Variants in THADA observed in about 807,000 individuals in gnomAD.
THADA encodes the protein THADA armadillo repeat containing.
THADA carries 213 observed loss-of-function variants against 219.8 expected under a neutral mutation model. The ratio of observed to expected loss-of-function variants is 0.97; its 90% CI spans 0.87 to 1.09. The LOEUF (loss-of-function observed/expected upper bound fraction) is 1.09. Ranked by LOEUF, THADA falls within the 50% of genes least tolerant of loss-of-function variation. The pLI is 0.00. For synonymous variants in THADA, 1,018 were observed against 828.9 expected, an observed-to-expected ratio of 1.23 and a Z score of -3.92; for missense variants, 2,956 against 2,311.3, an observed-to-expected ratio of 1.28 and a Z score of -5.72.
chr2:43,253,025 A>C (rs1669960153), intron 36 of THADA, among the ~76,000 whole-genome samples: 2 of 150,972 alleles, frequency 1.3e-5, no homozygotes, highest in Non-Finnish European at 2.9e-5. Flanking sequence ...ATTCTTGATA[A>C]TCTTGACTTC....
chr2:43,586,555 G>C (rs1314426346), intron 6 of THADA, 106 bp from the exon 7 acceptor site: 2 of 1,326,908 alleles, frequency 1.5e-6, no homozygotes, highest in East Asian at 2.5e-5. Flanking sequence ...ATCATGATAT[G>C]GAAACAAAAA....
In THADA at chr2:43,292,066, A is replaced by C. The variant is rs549164637; in HGVS notation, c.4937+38T>G. The C allele has an allele frequency of 1.9e-5, 27 of 1,405,024 alleles. No homozygotes were observed. The Admixed American group carries it at 4.6e-4, about 24-fold the overall frequency. 87.0% of individuals were successfully genotyped at this position (1,405,024 alleles called of 1,614,324 possible). On this transcript the variant is annotated intron_variant, in intron 33 of 37. Transcript: ENST00000405975. ...TACATAATGACTGATGGGACCATACATCTTACCAAGGTTGCACAGGAGGTT... is the reference window on the plus strand; with the variant it reads ...TACATAATGACTGATGGGACCATACCTCTTACCAAGGTTGCACAGGAGGTT...
intron 26 of THADA, chr2:43,484,384 G>T (rs998768): frequency 0.15 from 25,867 of 168,976 alleles, 2,876 homozygotes; most frequent in African/African-American, 0.32. Context: ...CTTTTTTAGG[G>T]AAGAAGGGAA....
chr2:43,554,681 A>G (rs1363566650), intron 17 of THADA, among the ~76,000 whole-genome samples: 1 of 152,228 alleles, frequency 6.6e-6, no homozygotes, highest in Admixed American at 6.5e-5. Flanking sequence ...ATGCAATACA[A>G]GTCTCGGAAT....
intron 8 of THADA, 122 bp downstream of exon 8, chr2:43,581,619 G>A: frequency 4.9e-6 from 4 of 816,222 alleles, no homozygotes; most frequent in Admixed American, 3.3e-5. Context: ...GAGAGGCTGA[G>A]TAAGGACACA....
At chr2:43,291,425 G>T (rs1050764086) in intron 34 of THADA, among the ~76,000 whole-genome samples, 4 of 76,184 alleles carry the variant, frequency 5.3e-5, no homozygotes. Context: ...CTGCACTCCA[G>T]CCTGGGCAAC....
intron 22 of THADA, among the ~76,000 whole-genome samples, chr2:43,521,175 G>A (rs114590641): frequency 0.021 from 3,223 of 150,524 alleles, 135 homozygotes; most frequent in African/African-American, 0.075. Context: ...AAAGGAGGGA[G>A]GGAGGGAAGA....
At chr2:43,453,084 A>C (rs1682558833) in intron 26 of THADA, among the ~76,000 whole-genome samples, 1 of 152,200 alleles carries the variant, frequency 6.6e-6, no homozygotes, top group Non-Finnish European at 1.5e-5. Context: ...AAAATAAACA[A>C]ACAAACAAAA....
At chr2:43,553,639 T>C (rs1406503534) in intron 17 of THADA, among the ~76,000 whole-genome samples, 1 of 152,082 alleles carries the variant, frequency 6.6e-6, no homozygotes, top group African/African-American at 2.4e-5. Context: ...TGCCTAAGAG[T>C]GGAACTGCAG....
intron 22 of THADA, among the ~76,000 whole-genome samples, chr2:43,520,323 TA>T (rs1263011591): frequency 6.6e-6 from 1 of 152,226 alleles, no homozygotes; most frequent in African/African-American, 2.4e-5. Flanking sequence ...GAGTACATTG[TA>T]AAATTGCAAC....
chr2:43,440,350 CTT>C (rs1680695546), intron 26 of THADA, among the ~76,000 whole-genome samples: 1 of 152,046 alleles, frequency 6.6e-6, no homozygotes, highest in Admixed American at 6.6e-5. Flanking sequence ...AATGACAAGC[CTT>C]TTGGTTATTG....
At chr2:43,521,978 C>T (rs1390299203) in intron 22 of THADA, among the ~76,000 whole-genome samples, 5 of 152,118 alleles carry the variant, frequency 3.3e-5, no homozygotes, top group African/African-American at 1.2e-4. Context: ...AGAAATGTCA[C>T]CTTCATTTCC....
chr2:43,320,802 T>C (rs781544176), intron 30 of THADA, among the ~76,000 whole-genome samples: 1 of 152,044 alleles, frequency 6.6e-6, no homozygotes, highest in Non-Finnish European at 1.5e-5. Context: ...TCAAATAAAA[T>C]AAAATGAAAA....
intron 35 of THADA, 150 bp downstream of exon 35, chr2:43,286,758 G>C (rs757330964): frequency 8.0e-6 from 7 of 872,532 alleles, no homozygotes; most frequent in Admixed American, 2.9e-5. Context: ...AAAATGATTA[G>C]AGCATGAACT....
At chr2:43,397,731 G>T (rs1222345427) in intron 29 of THADA, among the ~76,000 whole-genome samples, 7 of 151,706 alleles carry the variant, frequency 4.6e-5, no homozygotes, top group African/African-American at 1.7e-4. Flanking sequence ...GTATACTGCA[G>T]AAAACACAGG....
intron 26 of THADA, among the ~76,000 whole-genome samples, chr2:43,439,923 TA>T (rs999890489): frequency 6.6e-6 from 1 of 152,106 alleles, no homozygotes; most frequent in Admixed American, 6.5e-5. Flanking sequence ...GAAAGTCTTT[TA>T]AAAAAAGAAA....
At position 43,292,160 on chromosome 2, in the gene THADA, G is replaced by C; in HGVS notation, c.4881C>G (p.Val1627=). Residue 1627 remains valine (V), a synonymous_variant, in exon 33 of 38, where the codon GTC becomes GTG. Coordinates refer to ENST00000405975, the MANE Select transcript of THADA (RefSeq NM_022065.5). ...TCAAGAACTCCTTTGGGGTCAGATGGACACAGTGCTCCGTCTGGGGAAGCC... is the reference window on the plus strand; with the variant it reads ...TCAAGAACTCCTTTGGGGTCAGATGCACACAGTGCTCCGTCTGGGGAAGCC... ...GEWLPQTEHC[V]HLTPKEFLIW... The C allele has an allele frequency of 6.2e-7, 1 of 1,612,340 alleles. No homozygotes were observed. Among genetic ancestry groups the C allele is most frequent in the Non-Finnish European group, 8.5e-7 (1 of 1,179,320 alleles).
At chr2:43,583,205 T>A (rs1214039414) in intron 7 of THADA, among the ~76,000 whole-genome samples, 1 of 152,238 alleles carries the variant, frequency 6.6e-6, no homozygotes, top group Non-Finnish European at 1.5e-5. Context: ...AGTGAACTTA[T>A]CTTCAACTCC....
At chr2:43,290,865 T>C (rs1674612992) in intron 34 of THADA, among the ~76,000 whole-genome samples, 1 of 151,940 alleles carries the variant, frequency 6.6e-6, no homozygotes, top group Non-Finnish European at 1.5e-5. Context: ...AGGAAGCTGT[T>C]TTTCTTACTT....
Sources: gnomAD v4.1 joint callset for allele counts (sites outside exome capture counted in the v4.1 genomes callset) on GRCh38, gnomAD v4.1.1 for gene constraint, MANE v1.5 for transcripts, NCBI Gene and HGNC (gene_info 2026-07-23, HGNC 2026-07-21) for gene names.